Variants in PCDHGA9 observed in about 807,000 individuals in gnomAD.
The protein encoded by PCDHGA9 is protocadherin gamma subfamily A, 9.
In PCDHGA9, 37 loss-of-function variants were observed where a neutral mutation model predicts 62.5. The observed-to-expected ratio is 0.59, with a 90% confidence interval of 0.46 to 0.78. The LOEUF is 0.78. Ranked by LOEUF, PCDHGA9 falls within the 30% of genes least tolerant of loss-of-function variation. PCDHGA9 has a pLI of 0.00. For missense variants in PCDHGA9, 1,138 were observed against 1,166.2 expected (o/e 0.98, Z 0.35); for synonymous variants, 459 against 484.6 (o/e 0.95, Z 0.69).
intron 1 of PCDHGA9, among the ~76,000 whole-genome samples, chr5:141,436,517 G>A (rs1398225419): frequency 1.3e-5 from 2 of 152,130 alleles, no homozygotes; most frequent in African/African-American, 4.8e-5. Flanking sequence ...TGTTAACTGT[G>A]TCACCTTTAG....
intron 1 of PCDHGA9, among the ~76,000 whole-genome samples, chr5:141,452,267 G>C (rs995249228): frequency 1.3e-5 from 2 of 151,882 alleles, no homozygotes; most frequent in Non-Finnish European, 2.9e-5. Context: ...TCATTTTCTT[G>C]AACCCTTTCT....
At chr5:141,441,962 G>A in intron 1 of PCDHGA9, 1 of 313,768 alleles carries the variant, frequency 3.2e-6, no homozygotes, top group Admixed American at 4.1e-5. Context: ...AGCAAGCCCA[G>A]GCTCTTCAGC....
chr5:141,490,837 G>A lies in PCDHGA9; in HGVS notation c.2425-3970G>A. On this transcript the variant is annotated intron_variant, in intron 1 of 3. Coordinates refer to ENST00000573521, the MANE Select transcript of PCDHGA9 (RefSeq NM_018921.3). This position sits in a 1 kb window ranked among gnomAD's most constrained non-coding sequence, Gnocchi z 5.4. ...TGAATTGCTGCAGATGCTGCAGATTGTGGTGGGGGTTCGAGACTCCGGCTC... is the reference window on the plus strand; with the variant it reads ...TGAATTGCTGCAGATGCTGCAGATTATGGTGGGGGTTCGAGACTCCGGCTC... The A allele has an allele frequency of 1.9e-6, 3 of 1,613,914 alleles. No homozygotes were observed. The highest frequency in any genetic ancestry group is 2.2e-5 in the South Asian group (2 of 91,072).
In PCDHGA9 at chr5:141,404,110, C is replaced by G. The variant is rs1283800962; in HGVS notation, c.1158C>G (p.Ile386Met). The G allele has an allele frequency of 6.2e-7, 1 of 1,613,336 alleles. No homozygotes were observed. Among genetic ancestry groups the G allele is most frequent in the South Asian group, 1.1e-5 (1 of 91,032 alleles). Residue 386 changes from isoleucine (I) to methionine (M), a missense_variant, in exon 1 of 4, where the codon ATC (isoleucine) becomes ATG (methionine). Physicochemically the swap from Ile to Met is conservative, Grantham distance 10 (BLOSUM62 1). Coordinates refer to ENST00000573521, the MANE Select transcript of PCDHGA9 (RefSeq NM_018921.3). ...SGKNGQVVCS[I>M]QENLSFTLEN... ...AGAATGGTCAAGTTGTCTGTTCTAT[C>G]CAGGAGAATCTATCTTTTACATTAG...
rs758216933 is a variant in PCDHGA9 at position 141,487,377 on chromosome 5, C to A, written c.2425-7430C>A. The A allele has an allele frequency of 2.5e-6, 4 of 1,614,190 alleles. No individual in the cohort carries two copies. In the South Asian group the frequency reaches 3.3e-5, roughly 13 times the overall value. On this transcript the variant is annotated intron_variant, in intron 1 of 3. Transcript: ENST00000573521. This position sits in a 1 kb window ranked among gnomAD's most constrained non-coding sequence, Gnocchi z 5.0. ...CCTGCTGGCACCTGTGCCTGTCTCA[C>A]CAGATCTCGAAGGAGGGAGGGGCTT...
intron 1 of PCDHGA9, chr5:141,422,864 AC>A (rs2096680510): frequency 1.9e-6 from 3 of 1,614,190 alleles, no homozygotes; most frequent in Non-Finnish European, 2.5e-6. Flanking sequence ...CTCAGCAGCA[AC>A]GTGTCGCTGA....
At chr5:141,421,535 G>GT (rs975619932) in intron 1 of PCDHGA9, 8 of 1,614,032 alleles carry the variant, frequency 5.0e-6, no homozygotes, top group Non-Finnish European at 6.8e-6. Flanking sequence ...GTGTCCTCCT[G>GT]TTTTTTAAAT....
intron 1 of PCDHGA9, among the ~76,000 whole-genome samples, chr5:141,467,032 T>G (rs551565159): frequency 2.0e-5 from 3 of 152,164 alleles, no homozygotes; most frequent in Non-Finnish European, 2.9e-5. Flanking sequence ...GTTTTTGTTT[T>G]TTGTGTAATG....
At chr5:141,424,540 T>G (rs944656560) in intron 1 of PCDHGA9, 1 of 152,244 alleles carries the variant, frequency 6.6e-6, no homozygotes, top group Admixed American at 6.5e-5. Flanking sequence ...TAGAAATAAC[T>G]TGATTTTGAT....
chr5:141,433,110 G>C (rs1031253372), intron 1 of PCDHGA9: 1 of 1,614,098 alleles, frequency 6.2e-7, no homozygotes, highest in Middle Eastern at 1.7e-4. Context: ...AGCCAGGAGA[G>C]CTTTGAAAAA....
At position 141,493,726 on chromosome 5, in the gene PCDHGA9, G is replaced by C. The variant is rs1032021616; in HGVS notation, c.2425-1081G>C. ...CTGGAATGCTAGGTTTCTGGGTTCT[G>C]CTCATATCACTGCCACCTGTGAGCC... On this transcript the variant is annotated intron_variant, in intron 1 of 3. Coordinates refer to ENST00000573521, the MANE Select transcript of PCDHGA9 (RefSeq NM_018921.3). This position sits in a 1 kb window ranked among gnomAD's most constrained non-coding sequence, Gnocchi z 4.3. Among the ~76,000 whole-genome samples, 2 of 152,154 alleles carry C rather than the reference G, an allele frequency of 1.3e-5. No individual in the cohort carries two copies. Among genetic ancestry groups the C allele is most frequent in the African/African-American group, 4.8e-5 (2 of 41,438 alleles).
chr5:141,500,084 C>T (rs1354544132), intron 2 of PCDHGA9, among the ~76,000 whole-genome samples: 1 of 152,030 alleles, frequency 6.6e-6, no homozygotes, highest in Non-Finnish European at 1.5e-5. Flanking sequence ...CCTCCATCTT[C>T]CATTTTTGCA....
chr5:141,407,656 C>T (rs1333500318), intron 1 of PCDHGA9, among the ~76,000 whole-genome samples: 1 of 151,756 alleles, frequency 6.6e-6, no homozygotes, highest in Admixed American at 6.6e-5. Flanking sequence ...TGGGGGAGCG[C>T]AGTATATATT....
intron 3 of PCDHGA9, among the ~76,000 whole-genome samples, chr5:141,509,068 G>A (rs1267011061): frequency 6.6e-6 from 1 of 152,144 alleles, no homozygotes; most frequent in Non-Finnish European, 1.5e-5. Flanking sequence ...TCTCAGCTCC[G>A]GGGATTTGCG....
In PCDHGA9 at chr5:141,431,320, C is replaced by A. The variant is rs993831541; in HGVS notation, c.2424+25944C>A. ...CCCTCATCGTGCAAAATGGAGCCGA[C>A]GGTAGTAAGTACCCCGAATTGGTGC... On this transcript the variant is annotated intron_variant, in intron 1 of 3. Transcript: ENST00000573521. This position sits in a 1 kb window ranked among gnomAD's most constrained non-coding sequence, Gnocchi z 4.8. 1 of 1,614,102 alleles carries A rather than the reference C, an allele frequency of 6.2e-7. No individual in the cohort carries two copies. The highest frequency in any genetic ancestry group is 1.7e-5 in the Admixed American group (1 of 60,032).
At chr5:141,492,778 G>A (rs2099743821) in intron 1 of PCDHGA9, among the ~76,000 whole-genome samples, 1 of 152,250 alleles carries the variant, frequency 6.6e-6, no homozygotes, top group South Asian at 2.1e-4. Context: ...GAGTGAGTGA[G>A]CCTCTATAGG....
chr5:141,491,254 G>A lies in PCDHGA9; in HGVS notation c.2425-3553G>A, dbSNP rs746242389. ...GCTGGTTCTGGAGGATGAGGACCCT[G>A]AGGAAATGCCCAAATCCAGTGACTT... is the stretch of plus-strand genomic sequence containing the variant. On this transcript the variant is annotated intron_variant, in intron 1 of 3. Coordinates refer to ENST00000573521, the MANE Select transcript of PCDHGA9 (RefSeq NM_018921.3). This position sits in a 1 kb window ranked among gnomAD's most constrained non-coding sequence, Gnocchi z 6.9. 24 of 1,614,198 alleles carry A rather than the reference G, an allele frequency of 1.5e-5. No individual in the cohort carries two copies. The highest frequency in any genetic ancestry group is 2.0e-5 in the Non-Finnish European group (24 of 1,180,018).
intron 1 of PCDHGA9, among the ~76,000 whole-genome samples, chr5:141,438,623 T>C (rs1485045684): frequency 2.3e-4 from 10 of 42,840 alleles, no homozygotes; most frequent in Non-Finnish European, 3.8e-4. Flanking sequence ...TATATATATA[T>C]ATATATATAT....
chr5:141,476,416 A>C lies in PCDHGA9; in HGVS notation c.2425-18391A>C, dbSNP rs2099391138. On this transcript the variant is annotated intron_variant, in intron 1 of 3. Coordinates refer to ENST00000573521, the MANE Select transcript of PCDHGA9 (RefSeq NM_018921.3). The surrounding 1 kb of genome is among the most constrained non-coding windows in gnomAD (Gnocchi z 7.6). ...TGGATCGAGAGGAGCTGTGTGGGACACTGCCCTCTTGCACTGTAACTCTGG... is the reference window on the plus strand; with the variant it reads ...TGGATCGAGAGGAGCTGTGTGGGACCCTGCCCTCTTGCACTGTAACTCTGG... 6.2e-7 allele frequency: 1 copy of C among 1,614,056 alleles called. No homozygotes were observed. The highest frequency in any genetic ancestry group is 8.5e-7 in the Non-Finnish European group (1 of 1,179,994).
Sources: allele counts gnomAD v4.1 joint callset (sites outside exome capture counted in the v4.1 genomes callset), GRCh38; gene constraint gnomAD v4.1.1; non-coding constraint Gnocchi (gnomAD v3.1); transcripts MANE v1.5; gene names NCBI Gene and HGNC (gene_info 2026-07-23, HGNC 2026-07-21).